The following BLTP1 variants were observed in gnomAD, a reference collection of about 807,000 sequenced individuals.
BLTP1 encodes the protein bridge-like lipid transfer protein family member 1.
the BLTP1 span, among the ~76,000 whole-genome samples, chr4:122,163,726 G>A: frequency 5.6e-4 from 86 of 152,310 alleles, no homozygotes; most frequent in African/African-American, 2.0e-3. Flanking sequence ...AGAGAGGTTA[G>A]GTATTTTGCC....
chr4:122,212,764 C>T, the BLTP1 span, among the ~76,000 whole-genome samples: 3 of 152,100 alleles, frequency 2.0e-5, no homozygotes, highest in Non-Finnish European at 4.4e-5. Flanking sequence ...TTATTGTTTT[C>T]ATACAGACTT....
the BLTP1 span, among the ~76,000 whole-genome samples, chr4:122,228,366 C>T: frequency 6.6e-6 from 1 of 152,124 alleles, no homozygotes; most frequent in Non-Finnish European, 1.5e-5. Flanking sequence ...TTTCTATCAC[C>T]TTAGAAAATT....
the BLTP1 span, chr4:122,251,036 AC>A: frequency 1.0e-6 from 1 of 985,310 alleles, no homozygotes; most frequent in Non-Finnish European, 1.2e-6. Context: ...TGGTAGAATT[AC>A]ATGGGTGGTG....
At chr4:122,255,934 T>A in the BLTP1 span, 1 of 355,316 alleles carries the variant, frequency 2.8e-6, no homozygotes, top group Non-Finnish European at 3.9e-6. Flanking sequence ...GTATAAAGAG[T>A]TTTTAAGCAA....
the BLTP1 span, chr4:122,207,787 G>A: frequency 3.8e-6 from 4 of 1,055,310 alleles, no homozygotes; most frequent in Non-Finnish European, 5.0e-6. Context: ...TAGTGTCACA[G>A]AGTTCCTGTT....
chr4:122,246,904 A>G, the BLTP1 span: 1 of 1,519,912 alleles, frequency 6.6e-7, no homozygotes, highest in Non-Finnish European at 8.8e-7. Flanking sequence ...CATTTCTAAG[A>G]ATGTAATGTT....
the BLTP1 span, chr4:122,275,841 A>C: frequency 2.7e-6 from 3 of 1,102,790 alleles, no homozygotes; most frequent in Non-Finnish European, 3.5e-6. Flanking sequence ...ATGGTACTTT[A>C]AAGGAACATT....
At chr4:122,249,295 A>G in the BLTP1 span, 4 of 650,618 alleles carry the variant, frequency 6.1e-6, no homozygotes, top group South Asian at 2.1e-4. Context: ...GTTAATCATA[A>G]AATCTTCTTT....
At chr4:122,321,093 A>G in the BLTP1 span, among the ~76,000 whole-genome samples, 214 of 151,984 alleles carry the variant, frequency 1.4e-3, no homozygotes, top group Middle Eastern at 3.4e-3. Flanking sequence ...TGAAAAGTCA[A>G]AATGACTTAT....
chr4:122,333,241 C>T, the BLTP1 span, among the ~76,000 whole-genome samples: 6,636 of 33,080 alleles, frequency 0.2, 927 homozygotes, highest in South Asian at 0.42. Flanking sequence ...GTTTACAGTC[C>T]CACCAACAGT....
At chr4:122,320,047 G>A in the BLTP1 span, among the ~76,000 whole-genome samples, 1 of 152,084 alleles carries the variant, frequency 6.6e-6, no homozygotes, top group East Asian at 1.9e-4. Context: ...TGCTAGATAT[G>A]TCCATTTCTG....
At chr4:122,167,237 T>C in the BLTP1 span, among the ~76,000 whole-genome samples, 1 of 152,198 alleles carries the variant, frequency 6.6e-6, no homozygotes, top group Admixed American at 6.5e-5. Flanking sequence ...CCAGTTCTTA[T>C]CTACCATTTT....
chr4:122,344,772 C>T, the BLTP1 span: 2 of 981,008 alleles, frequency 2.0e-6, no homozygotes, highest in Non-Finnish European at 1.2e-6. Context: ...GACATATCAC[C>T]CAAGGGCCAA....
At chr4:122,343,220 T>C in the BLTP1 span, 11 of 311,090 alleles carry the variant, frequency 3.5e-5, no homozygotes, top group Non-Finnish European at 5.2e-5. Context: ...TGGTGTAAAT[T>C]AATTGGAAAA....
chr4:122,237,107 T>G, the BLTP1 span: 10 of 984,324 alleles, frequency 1.0e-5, no homozygotes, highest in Middle Eastern at 1.0e-3. Context: ...TAATATTATA[T>G]TTTAGGTTTA....
the BLTP1 span, chr4:122,313,721 T>C: frequency 5.6e-6 from 7 of 1,241,284 alleles, no homozygotes; most frequent in Non-Finnish European, 8.0e-6. Flanking sequence ...TTATGTTAGA[T>C]AGAATTCTGC....
At chr4:122,321,191 A>C in the BLTP1 span, among the ~76,000 whole-genome samples, 1 of 152,066 alleles carries the variant, frequency 6.6e-6, no homozygotes, top group Non-Finnish European at 1.5e-5. Flanking sequence ...TTGTGCCATC[A>C]TAAAGTCAAA....
the BLTP1 span, chr4:122,185,202 A>G: frequency 2.0e-6 from 2 of 982,612 alleles, no homozygotes; most frequent in Non-Finnish European, 1.2e-6. Flanking sequence ...TGATAAAATC[A>G]GAGTTTTGTA....
chr4:122,197,135 T>G, the BLTP1 span: 1 of 805,524 alleles, frequency 1.2e-6, no homozygotes, highest in South Asian at 2.1e-5. Flanking sequence ...AACTGAAAAG[T>G]AAAGATGGGA....
Sources: gnomAD v4.1 joint callset for allele counts (sites outside exome capture counted in the v4.1 genomes callset) on GRCh38, gnomAD v4.1.1 for gene constraint, MANE v1.5 for transcripts, NCBI Gene and HGNC (gene_info 2026-07-23, HGNC 2026-07-21) for gene names.